Variants in AOPEP observed in about 807,000 individuals in gnomAD.
The protein encoded by AOPEP is aminopeptidase O (putative).
A neutral mutation model predicts 98.1 loss-of-function variants in AOPEP; 77 were observed. That is an observed-to-expected ratio of 0.78 (90% CI 0.65 to 0.95). The LOEUF is 0.95. Ranked by LOEUF, AOPEP falls within the 40% of genes least tolerant of loss-of-function variation. The pLI is 0.00. For missense variants in AOPEP, 1,024 were observed against 1,024.7 expected, an observed-to-expected ratio of 1.00 and a Z score of 0.01; for synonymous variants, 346 against 365.3, an observed-to-expected ratio of 0.95 and a Z score of 0.60.
At chr9:94,768,773 G>A (rs556629838) in intron 2 of AOPEP, among the ~76,000 whole-genome samples, 7 of 152,304 alleles carry the variant, frequency 4.6e-5, no homozygotes, top group South Asian at 2.1e-4. Flanking sequence ...ATACAATTGG[G>A]TATTCCAGGG....
At chr9:94,819,761 C>T (rs1048491199) in intron 5 of AOPEP, among the ~76,000 whole-genome samples, 2 of 150,390 alleles carry the variant, frequency 1.3e-5, no homozygotes, top group East Asian at 2.0e-4. Context: ...TTCATAGAGA[C>T]GGGGTCTGAC....
At chr9:95,124,188 G>A in the AOPEP span, among the ~76,000 whole-genome samples, 3 of 151,430 alleles carry the variant, frequency 2.0e-5, no homozygotes, top group South Asian at 6.3e-4. Flanking sequence ...GGTGTGATCT[G>A]GTGGAGCCAA....
chr9:94,888,323 G>GTGTGTGTGTGTT (rs2048466688), intron 5 of AOPEP, among the ~76,000 whole-genome samples: 1 of 151,742 alleles, frequency 6.6e-6, no homozygotes, highest in Non-Finnish European at 1.5e-5. Context: ...GTGTGTGTGT[G>GTGTGTGTGTGTT]TGTGTGTGTA....
At chr9:95,098,348 A>G in the AOPEP span, among the ~76,000 whole-genome samples, 10 of 151,982 alleles carry the variant, frequency 6.6e-5, no homozygotes, top group African/African-American at 2.4e-4. Context: ...TTTCTGTCCT[A>G]GCTCCCATTT....
chr9:95,020,929 A>AAAAAAAAG (rs2063404319), intron 13 of AOPEP, among the ~76,000 whole-genome samples: 1 of 151,280 alleles, frequency 6.6e-6, no homozygotes, highest in Non-Finnish European at 1.5e-5. Flanking sequence ...AAAAAAAAAA[A>AAAAAAAAG]AAAAAAAGAC....
intron 4 of AOPEP, among the ~76,000 whole-genome samples, chr9:94,795,191 C>T (rs1846644892): frequency 6.6e-6 from 1 of 152,152 alleles, no homozygotes; most frequent in Admixed American, 6.5e-5. Context: ...ATATCCAGGC[C>T]TGACCCCAGA....
rs1175674705 is a variant in AOPEP at position 94,917,374 on chromosome 9, A to G, written c.1365-6612A>G. ...AGCAATAGGCCACAGCTAACGCTAA[A>G]GCAAATGGTGAAGCTGGCTACAGTG... On this transcript the variant is annotated intron_variant, in intron 5 of 16. Coordinates refer to ENST00000375315, the MANE Select transcript of AOPEP (RefSeq NM_001193329.3). Among the ~76,000 whole-genome samples, 3 of 152,180 alleles carry G rather than the reference A, an allele frequency of 2.0e-5. No individual in the cohort carries two copies. In the East Asian group the frequency reaches 5.8e-4, roughly 29 times the overall value.
At chr9:95,081,111 G>A (rs933508314) in intron 15 of AOPEP, among the ~76,000 whole-genome samples, 1 of 152,196 alleles carries the variant, frequency 6.6e-6, no homozygotes, top group Non-Finnish European at 1.5e-5. Context: ...CCTGATTTCA[G>A]TGGCCCTCAT....
At chr9:95,039,532 C>A (rs1318710201) in intron 13 of AOPEP, among the ~76,000 whole-genome samples, 7 of 152,148 alleles carry the variant, frequency 4.6e-5, no homozygotes, top group Non-Finnish European at 8.8e-5. Context: ...GTGTTCACAC[C>A]ACTGCACTCC....
the AOPEP span, chr9:95,114,418 A>G: frequency 2.8e-5 from 18 of 647,004 alleles, no homozygotes; most frequent in Non-Finnish European, 4.8e-5. Context: ...TGGCACATGC[A>G]TACATGCGCA....
At chr9:94,947,274 C>T (rs1488774112) in intron 7 of AOPEP, among the ~76,000 whole-genome samples, 1 of 151,078 alleles carries the variant, frequency 6.6e-6, no homozygotes, top group Non-Finnish European at 1.5e-5. Flanking sequence ...ATCCACCGCA[C>T]CCGGCCTTTT....
chr9:94,787,324 GC>G (rs1235043006), intron 3 of AOPEP, among the ~76,000 whole-genome samples: 3 of 152,222 alleles, frequency 2.0e-5, no homozygotes, highest in Non-Finnish European at 2.9e-5. Flanking sequence ...TGATGAAGGT[GC>G]TGGGTTGTGA....
At chr9:95,146,918 G>A in the AOPEP span, among the ~76,000 whole-genome samples, 1 of 151,856 alleles carries the variant, frequency 6.6e-6, no homozygotes, top group Non-Finnish European at 1.5e-5. Flanking sequence ...GAAGAAATAA[G>A]TACACTTTGT....
intron 5 of AOPEP, among the ~76,000 whole-genome samples, chr9:94,842,916 T>C (rs1287090297): frequency 6.6e-6 from 1 of 152,220 alleles, no homozygotes; most frequent in African/African-American, 2.4e-5. Flanking sequence ...TCTGTGACTG[T>C]TTTCAAGAAT....
intron 7 of AOPEP, among the ~76,000 whole-genome samples, chr9:94,940,433 C>T (rs911580875): frequency 6.6e-6 from 1 of 151,938 alleles, no homozygotes; most frequent in Non-Finnish European, 1.5e-5. Context: ...TGGTGAAACC[C>T]CATCTCCACT....
intron 13 of AOPEP, among the ~76,000 whole-genome samples, chr9:95,015,008 C>T (rs77546614): frequency 0.012 from 1,810 of 152,292 alleles, 36 homozygotes; most frequent in African/African-American, 0.041. Context: ...TCAAAGATCA[C>T]TTACAAAGCA....
intron 5 of AOPEP, among the ~76,000 whole-genome samples, chr9:94,846,215 C>T (rs139464402): frequency 3.9e-5 from 6 of 151,994 alleles, no homozygotes; most frequent in East Asian, 1.9e-4. Flanking sequence ...TGGTATTTGA[C>T]GTCATGAAAC....
chr9:94,889,645 A>C (rs2048643946), intron 5 of AOPEP, among the ~76,000 whole-genome samples: 1 of 152,068 alleles, frequency 6.6e-6, no homozygotes, highest in Non-Finnish European at 1.5e-5. Context: ...GAGCCACCGC[A>C]CCTGGTCATC....
At chr9:94,738,993 C>T (rs2131875419) in intron 1 of AOPEP, among the ~76,000 whole-genome samples, 1 of 152,330 alleles carries the variant, frequency 6.6e-6, no homozygotes, top group African/African-American at 2.4e-5. Context: ...GTCTATTAAG[C>T]ATGAATTCAT....
Sources: gnomAD v4.1 joint callset for allele counts (sites outside exome capture counted in the v4.1 genomes callset) on GRCh38, gnomAD v4.1.1 for gene constraint, MANE v1.5 for transcripts, NCBI Gene and HGNC (gene_info 2026-07-23, HGNC 2026-07-21) for gene names.